Variants in ZNF655 observed in about 807,000 individuals in gnomAD.
The protein encoded by ZNF655 is zinc finger protein 655, also known as Vav-interacting Kruppel-like protein 1.
In ZNF655, 3 loss-of-function variants were observed where a neutral mutation model predicts 6.6. The observed-to-expected ratio is 0.46, with a 90% CI of 0.21 to 1.18. The LOEUF (loss-of-function observed/expected upper bound fraction) is 1.18, where lower values mean the gene tolerates loss of function less well. Among genes scored for constraint, ZNF655 ranks in the 50% most tolerant of loss-of-function variants. ZNF655 has a pLI of 0.24. For synonymous variants in ZNF655, 178 were observed against 195.0 expected (o/e 0.91, Z 0.73); for missense variants, 526 against 572.3 (o/e 0.92, Z 0.83).
chr7:99,568,146 C>T (rs1419131060), intron 2 of ZNF655, among the ~76,000 whole-genome samples: 2 of 151,528 alleles, frequency 1.3e-5, no homozygotes, highest in African/African-American at 2.4e-5. Flanking sequence ...GCGATATGAG[C>T]CATAGACCAG....
chr7:99,564,614 A>G (rs1442144624), intron 2 of ZNF655: 6 of 985,296 alleles, frequency 6.1e-6, no homozygotes, highest in South Asian at 9.4e-5. Flanking sequence ...TTGAATATCT[A>G]CTTAATAACT....
intron 2 of ZNF655, chr7:99,560,918 A>G (rs1803094930): frequency 2.5e-6 from 1 of 407,622 alleles, no homozygotes; most frequent in Non-Finnish European, 4.2e-6. Context: ...ATGGCTGCTT[A>G]CTCGCTGTGG....
intron 2 of ZNF655, chr7:99,563,304 A>G (rs1803353410): frequency 4.7e-6 from 1 of 212,716 alleles, no homozygotes; most frequent in African/African-American, 2.4e-5. Flanking sequence ...TATTTTTTAT[A>G]TTATATTATA....
In ZNF655 at chr7:99,573,830, T is replaced by A; in HGVS notation, c.*246T>A. On this transcript the variant is annotated 3_prime_UTR_variant, in exon 3 of 3. Coordinates refer to ENST00000252713, the MANE Select transcript of ZNF655 (RefSeq NM_138494.3). ...CTATACCAGTGAGAAATCTTACAAA[T>A]GTATTGAATGTGGCAAATTTTTCAT... The A allele has an allele frequency of 2.2e-6, 1 of 460,728 alleles. No individual in the cohort carries two copies. Among genetic ancestry groups the A allele is most frequent in the Non-Finnish European group, 3.7e-6 (1 of 266,792 alleles). The allele number at this position is 460,728 out of a possible 1,614,324, so 28.5% of individuals were successfully genotyped here. A position where few individuals can be genotyped will look rare whatever the true frequency, so the allele number is the denominator to read the frequency against.
rs758360881 is a variant in ZNF655 at position 99,573,615 on chromosome 7, A to G, written c.*31A>G. On this transcript the variant is annotated 3_prime_UTR_variant, in exon 3 of 3. Transcript: ENST00000252713. ...ATGAAGATGGGAAGATATTTATCAA[A>G]TTCAGGCTTCATTCAGCATCTGAGA... 7.6e-6 allele frequency: 12 copies of G among 1,575,714 alleles called. No homozygotes were observed. In the South Asian group the frequency reaches 1.3e-4, roughly 17 times the overall value.
chr7:99,561,780 A>C (rs961151142), intron 2 of ZNF655: 17 of 499,848 alleles, frequency 3.4e-5, no homozygotes, highest in African/African-American at 3.4e-4. Flanking sequence ...GTTTTACTAG[A>C]GTATTGAGGA....
intron 2 of ZNF655, chr7:99,570,698 G>A (rs759157752): frequency 3.3e-5 from 5 of 152,180 alleles, no homozygotes; most frequent in Non-Finnish European, 5.9e-5. Flanking sequence ...CGTTATATGT[G>A]ACATGTCAGG....
In ZNF655 at chr7:99,572,764, A is replaced by T. The variant is rs1804180741; in HGVS notation, c.656A>T (p.Lys219Ile). The change falls in exon 3 of 3, where the codon AAA becomes ATA. Residue 219 changes from lysine to isoleucine, a missense_variant. Coordinates refer to ENST00000252713, the MANE Select transcript of ZNF655 (RefSeq NM_138494.3). Reference sequence around the variant, plus strand: ...TCCTATAAATGTGATGTATGTGGGAAAATTTTCCATCAGAGCTCAGCCCTT... The same window carrying T: ...TCCTATAAATGTGATGTATGTGGGATAATTTTCCATCAGAGCTCAGCCCTT... ...EKSYKCDVCG[K>I]IFHQSSALTR... is the part of the protein sequence containing the mutation. 1.2e-6 allele frequency: 2 copies of T among 1,613,100 alleles called. No homozygotes were observed. The highest frequency in any genetic ancestry group is 2.7e-5 in the African/African-American group (2 of 74,908).
chr7:99,568,543 C>T (rs1803809505), intron 2 of ZNF655, among the ~76,000 whole-genome samples: 2 of 152,094 alleles, frequency 1.3e-5, no homozygotes, highest in African/African-American at 2.4e-5. Context: ...AGCCACCGTG[C>T]CTGGCTGGGG....
chr7:99,573,459 C>T lies in ZNF655; in HGVS notation c.1351C>T (p.Leu451Phe), dbSNP rs953157764. 3 of 1,613,784 alleles carry T rather than the reference C, an allele frequency of 1.9e-6. No homozygotes were observed. The African/African-American group carries it at 4.0e-5, about 22-fold the overall frequency. ...YEGSFSHSSD[L>F]ILQQEVLTRQ... ...GGGCAGTTTCAGTCATAGCTCAGAT[C>T]TTATCCTGCAACAAGAAGTCCTCAC... Residue 451 changes from leucine (L) to phenylalanine (F), a missense_variant, in exon 3 of 3, where the codon CTT becomes TTT. Leu to Phe is a conservative substitution (Grantham distance 22). Transcript: ENST00000252713.
intron 2 of ZNF655, chr7:99,571,034 G>A: frequency 7.5e-6 from 2 of 266,466 alleles, no homozygotes; most frequent in South Asian, 3.2e-5. Context: ...CTGTCTCTGT[G>A]TAGAGTGTGA....
At chr7:99,566,508 T>C (rs1362563110) in intron 2 of ZNF655, among the ~76,000 whole-genome samples, 1 of 152,222 alleles carries the variant, frequency 6.6e-6, no homozygotes, top group Non-Finnish European at 1.5e-5. Context: ...AGCTTTCAGA[T>C]GGCTAAAAGC....
chr7:99,560,706 G>A lies in ZNF655; in HGVS notation c.136+11G>A, dbSNP rs1305289363. ...AGGGACTCACTGGGGGTAAGGCAGA[G>A]AAAGCACTTCCGTCTGGGAGAGTGG... is the stretch of plus-strand genomic sequence containing the variant. On this transcript the variant is annotated intron_variant, in intron 2 of 2. Coordinates refer to ENST00000252713, the MANE Select transcript of ZNF655 (RefSeq NM_138494.3). 3.1e-6 allele frequency: 5 copies of A among 1,612,904 alleles called. No homozygotes were observed. In the South Asian group the frequency reaches 3.3e-5, roughly 11 times the overall value.
chr7:99,565,092 A>AT (rs1011500265), intron 2 of ZNF655, among the ~76,000 whole-genome samples: 3 of 152,118 alleles, frequency 2.0e-5, no homozygotes, highest in Non-Finnish European at 2.9e-5. Flanking sequence ...CCAAGGTCTG[A>AT]TTTTTAACAA....
At chr7:99,566,164 C>A (rs1280890514) in intron 2 of ZNF655, among the ~76,000 whole-genome samples, 1 of 152,134 alleles carries the variant, frequency 6.6e-6, no homozygotes, top group Non-Finnish European at 1.5e-5. Flanking sequence ...GTTAAGTGAT[C>A]TTTGCAGGAT....
At chr7:99,569,662 T>G (rs116571786) in intron 2 of ZNF655, among the ~76,000 whole-genome samples, 1 of 152,308 alleles carries the variant, frequency 6.6e-6, no homozygotes, top group African/African-American at 2.4e-5. Flanking sequence ...AGTGAAAACC[T>G]AGAGAGCTCT....
Position 99,572,294 on chromosome 7 carries a change from T to G in ZNF655, c.186T>G (p.Ile62Met), listed in dbSNP as rs764562602. The change falls in exon 3 of 3, where the codon ATT becomes ATG. Residue 62 changes from isoleucine to methionine, a missense_variant. By Grantham distance (10) the Ile-to-Met change is conservative. Transcript: ENST00000252713. Reference protein sequence around the residue: ...ENKLLIPKQKISEEVHSYKVR... With the variant: ...ENKLLIPKQKMSEEVHSYKVR... ...AGCTGTTGATTCCTAAGCAGAAAAT[T>G]TCGGAAGAAGTGCATTCATACAAAG... is the stretch of plus-strand genomic sequence containing the variant. 9 of 1,611,474 alleles carry G rather than the reference T, an allele frequency of 5.6e-6. No homozygotes were observed. The highest frequency in any genetic ancestry group is 7.6e-6 in the Non-Finnish European group (9 of 1,179,392).
At chr7:99,562,400 C>T (rs1803262993) in intron 2 of ZNF655, 3 of 1,614,110 alleles carry the variant, frequency 1.9e-6, no homozygotes, top group Non-Finnish European at 2.5e-6. Context: ...TGGCTGTGCA[C>T]CTTACTCGAG....
intron 2 of ZNF655, among the ~76,000 whole-genome samples, chr7:99,569,478 T>C (rs1415115049): frequency 1.3e-5 from 2 of 152,146 alleles, no homozygotes; most frequent in African/African-American, 4.8e-5. Flanking sequence ...TTTTTTTTAC[T>C]AGCAGATTGT....
Sources: allele counts gnomAD v4.1 joint callset (sites outside exome capture counted in the v4.1 genomes callset), GRCh38; gene constraint gnomAD v4.1.1; transcripts MANE v1.5; gene names NCBI Gene and HGNC (gene_info 2026-07-23, HGNC 2026-07-21).